Variants in JAK2 observed in about 807,000 individuals in gnomAD.
JAK2 encodes the protein tyrosine-protein kinase JAK2.
A neutral mutation model predicts 139.3 loss-of-function variants in JAK2; 86 were observed. The observed-to-expected ratio is 0.62, with a 90% CI of 0.52 to 0.74. The LOEUF (loss-of-function observed/expected upper bound fraction) is 0.74, where lower values mean the gene tolerates loss of function less well. Ranked by LOEUF, JAK2 falls within the 30% of genes least tolerant of loss-of-function variation. The pLI is 0.00. For synonymous variants in JAK2, 490 were observed against 437.7 expected (o/e 1.12, Z -1.49); for missense variants, 1,421 against 1,360.3 (o/e 1.04, Z -0.70).
rs1818778921 is a variant in JAK2, at chr9:5,069,177, G to A, written c.1482G>A (p.Gln494=). 1 of 1,609,836 alleles carries A rather than the reference G, an allele frequency of 6.2e-7. No individual in the cohort carries two copies. The highest frequency in any genetic ancestry group is 1.1e-5 in the South Asian group (1 of 89,946). ...ETVRSDNIIF[Q]FTKCCPPKPK... ...TTCGCTCAGACAATATAATTTTCCA[G>A]TTTACTAAATGCTGTCCCCCAAAGC... The change falls in exon 11 of 25, where the codon CAG becomes CAA. Residue 494 remains glutamine (Q), a synonymous_variant. Transcript: ENST00000381652.
intron 22 of JAK2, chr9:5,110,786 G>A (rs911132479): frequency 5.0e-6 from 2 of 402,668 alleles, no homozygotes; most frequent in Non-Finnish European, 9.6e-6. Context: ...GTAAGGGCCC[G>A]GGCCACGCGC....
rs201555803 is a variant in JAK2 at position 5,055,754 on chromosome 9, T to C, written c.1022T>C (p.Val341Ala). The C allele has an allele frequency of 1.2e-6, 2 of 1,610,982 alleles. No individual in the cohort carries two copies. The highest frequency in any genetic ancestry group is 1.7e-6 in the Non-Finnish European group (2 of 1,177,856). ...CAAGAGGGTTCAAATGAAAGCCGAG[T>C]TGTAACTATCCATAAGCAAGATGGT... is the stretch of plus-strand genomic sequence containing the variant. The part of the protein sequence containing the change: ...ANQEGSNESR[V>A]VTIHKQDGKN... The change falls in exon 8 of 25, where the codon GTT (valine) becomes GCT (alanine). Residue 341 changes from valine (V) to alanine (A), a missense_variant. Physicochemically the swap from Val to Ala is moderately conservative, Grantham distance 64. Transcript: ENST00000381652.
chr9:5,062,415 T>C (rs1021845171), intron 8 of JAK2, among the ~76,000 whole-genome samples: 3 of 141,664 alleles, frequency 2.1e-5, no homozygotes, highest in Non-Finnish European at 3.0e-5. Context: ...ACATGACACA[T>C]AGGAAGTAAG....
chr9:5,019,490 T>G (rs1043143762), intron 2 of JAK2, among the ~76,000 whole-genome samples: 2 of 152,170 alleles, frequency 1.3e-5, no homozygotes, highest in Non-Finnish European at 2.9e-5. Flanking sequence ...TCCCTGAGCT[T>G]CTTTAATATC....
At chr9:5,115,680 G>C (rs907671487) in intron 22 of JAK2, among the ~76,000 whole-genome samples, 2 of 152,202 alleles carry the variant, frequency 1.3e-5, no homozygotes, top group Non-Finnish European at 2.9e-5. Flanking sequence ...ATCAATGATA[G>C]ACTGGATAAA....
In JAK2 at chr9:5,050,714, T is replaced by C; in HGVS notation, c.497T>C (p.Ile166Thr). 1 of 1,613,846 alleles carries C rather than the reference T, an allele frequency of 6.2e-7. No homozygotes were observed. The highest frequency in any genetic ancestry group is 8.5e-7 in the Non-Finnish European group (1 of 1,179,828). ...QWRHDFVHGW[I>T]KVPVTHETQE... ...CGGCATGATTTTGTGCACGGATGGA[T>C]AAAAGTACCTGTGACTCATGAAACA... The change falls in exon 6 of 25, where the codon ATA becomes ACA. Residue 166 changes from isoleucine (I) to threonine (T), a missense_variant. By Grantham distance (89) the Ile-to-Thr change is moderately conservative. Transcript: ENST00000381652.
At chr9:5,042,969 C>T (rs1816716078) in intron 4 of JAK2, among the ~76,000 whole-genome samples, 1 of 152,214 alleles carries the variant, frequency 6.6e-6, no homozygotes, top group Admixed American at 6.5e-5. Context: ...GGCTGTGCTC[C>T]GACCCTCAGA....
At chr9:5,040,479 G>A (rs998032834) in intron 4 of JAK2, among the ~76,000 whole-genome samples, 1 of 152,220 alleles carries the variant, frequency 6.6e-6, no homozygotes, top group East Asian at 1.9e-4. Flanking sequence ...AAAAACATCT[G>A]TGTGTCAAAG....
intron 22 of JAK2, among the ~76,000 whole-genome samples, chr9:5,116,229 A>C (rs1823165168): frequency 6.6e-6 from 1 of 152,206 alleles, no homozygotes; most frequent in Non-Finnish European, 1.5e-5. Flanking sequence ...CATGACTAGT[A>C]AATCACTGGA....
chr9:5,090,556 T>C lies in JAK2; in HGVS notation c.2872T>C (p.Ser958Pro). 6.3e-7 allele frequency: 1 copy of C among 1,581,660 alleles called. No homozygotes were observed. The highest frequency in any genetic ancestry group is 8.6e-7 in the Non-Finnish European group (1 of 1,165,004). The change falls in exon 21 of 25, where the codon TCT (serine) becomes CCT (proline). Residue 958 changes from serine (S) to proline (P), a missense_variant. Ser to Pro is a moderately conservative substitution (Grantham distance 74, BLOSUM62 -1). Transcript: ENST00000381652. ...IDHIKLLQYT[S>P]QICKGMEYLG... ...TCACATAAAACTTCTGCAGTACACA[T>C]CTCAGATATGCAAGGTAACTAATAT...
At chr9:5,006,665 A>C (rs1015357950) in intron 2 of JAK2, among the ~76,000 whole-genome samples, 1 of 152,098 alleles carries the variant, frequency 6.6e-6, no homozygotes, top group Non-Finnish European at 1.5e-5. Context: ...ATGCTGCAAA[A>C]ATTTAAATAA....
chr9:5,124,000 G>C (rs987462444), intron 23 of JAK2, among the ~76,000 whole-genome samples: 4 of 150,908 alleles, frequency 2.7e-5, no homozygotes, highest in African/African-American at 9.7e-5. Flanking sequence ...TTGTCAGTTT[G>C]GGTGTCTTCT....
chr9:5,089,345 T>A (rs928327192), intron 19 of JAK2, among the ~76,000 whole-genome samples: 1 of 152,036 alleles, frequency 6.6e-6, no homozygotes, highest in Non-Finnish European at 1.5e-5. Context: ...AAGACAATCC[T>A]GGCTAACACA....
At chr9:5,070,127 G>T (rs1006678576) in intron 12 of JAK2, 75 bp downstream of exon 12, 3 of 1,048,134 alleles carry the variant, frequency 2.9e-6, no homozygotes, top group Non-Finnish European at 1.4e-6. Context: ...TTACATTCAT[G>T]TGACATTGGA....
intron 6 of JAK2, among the ~76,000 whole-genome samples, chr9:5,051,484 T>A (rs778654572): frequency 1.1e-4 from 16 of 152,158 alleles, no homozygotes; most frequent in Non-Finnish European, 1.5e-4. Context: ...GAGATTTGGA[T>A]TCAGTAAATC....
intron 2 of JAK2, among the ~76,000 whole-genome samples, chr9:5,011,722 G>A (rs1033401311): frequency 1.2e-4 from 18 of 151,992 alleles, no homozygotes; most frequent in Admixed American, 9.2e-4. Context: ...TAGAAACTCC[G>A]GATGATGTGG....
chr9:5,039,431 A>T (rs1400522092), intron 4 of JAK2, among the ~76,000 whole-genome samples: 1 of 152,136 alleles, frequency 6.6e-6, no homozygotes, highest in Non-Finnish European at 1.5e-5. Flanking sequence ...ATACTGAAGG[A>T]TGTGCACAGG....
intron 18 of JAK2, 90 bp from the exon 19 acceptor site, chr9:5,081,635 C>A (rs955191145): frequency 1.2e-6 from 1 of 843,416 alleles, no homozygotes; most frequent in Admixed American, 2.3e-5. Flanking sequence ...TTTTAACTCA[C>A]GATTATTTTG....
At chr9:5,023,100 G>C (rs531864156) in intron 3 of JAK2, among the ~76,000 whole-genome samples, 8 of 152,066 alleles carry the variant, frequency 5.3e-5, no homozygotes, top group Admixed American at 5.2e-4. Context: ...TCAAACATTT[G>C]AACTTGTTCC....
Sources: allele counts gnomAD v4.1 joint callset (sites outside exome capture counted in the v4.1 genomes callset), GRCh38; gene constraint gnomAD v4.1.1; transcripts MANE v1.5; gene names NCBI Gene and HGNC (gene_info 2026-07-23, HGNC 2026-07-21).